Variants in SPAG1 observed in about 807,000 individuals in gnomAD.
SPAG1 encodes sperm-associated antigen 1.
In SPAG1, 69 loss-of-function variants were observed where a neutral mutation model predicts 100.5. The ratio of observed to expected loss-of-function variants is 0.69; its 90% confidence interval spans 0.57 to 0.84. The LOEUF is 0.84. SPAG1 is among the 40% of genes least tolerant of loss of function. SPAG1 has a pLI of 0.00. For synonymous variants in SPAG1, 336 were observed against 411.6 expected (o/e 0.82, Z 2.22); for missense variants, 955 against 1,133.1 (o/e 0.84, Z 2.26).
At chr8:100,213,010 A>ACCCCCGCGGCCTCCGCGG (rs1554658861) in intron 10 of SPAG1, 80 bp from the exon 11 acceptor site, 2 of 417,830 alleles carry the variant, frequency 4.8e-6, no homozygotes, top group South Asian at 4.6e-5. Flanking sequence ...CGCGTCCTGC[A>ACCCCCGCGGCCTCCGCGG]CCCCCGCGGC....
chr8:100,234,633 T>C lies in SPAG1; in HGVS notation c.2115+1096T>C, dbSNP rs924263146. On this transcript the variant is annotated intron_variant, in intron 16 of 18. Coordinates refer to ENST00000388798, the MANE Select transcript of SPAG1 (RefSeq NM_003114.5). ...GTATGAATATATCACAATTTGTGTA[T>C]ATATTCACCAGTTGATGACACTTAG... is the stretch of plus-strand genomic sequence containing the variant. Among the ~76,000 whole-genome samples, 20 of 152,236 alleles carry C rather than the reference T, an allele frequency of 1.3e-4. No individual in the cohort carries two copies. In the East Asian group the frequency reaches 3.7e-3, roughly 28 times the overall value.
intron 1 of SPAG1, chr8:100,159,010 T>A (rs2514691): frequency 6.6e-6 from 1 of 151,206 alleles, no homozygotes; most frequent in Non-Finnish European, 1.5e-5. Flanking sequence ...AATGTTAAAA[T>A]GATGTTCAGA....
chr8:100,176,753 G>C (rs561105605), intron 3 of SPAG1, among the ~76,000 whole-genome samples: 12 of 152,274 alleles, frequency 7.9e-5, no homozygotes, highest in Non-Finnish European at 1.5e-4. Flanking sequence ...GAAGTGCAAA[G>C]TCTTTGCACC....
chr8:100,177,765 C>A (rs1325127041), intron 3 of SPAG1, 51 bp from the exon 4 acceptor site: 1 of 1,118,008 alleles, frequency 8.9e-7, no homozygotes. Context: ...CTTTCTTATG[C>A]TTGGTTATAA....
At chr8:100,183,309 A>G (rs1206836684) in intron 4 of SPAG1, 66 bp from the exon 5 acceptor site, 2 of 763,776 alleles carry the variant, frequency 2.6e-6, no homozygotes, top group African/African-American at 1.8e-5. Context: ...TTTCCATTGC[A>G]TTTACAGTAA....
At chr8:100,174,462 G>A (rs1219345556) in intron 3 of SPAG1, among the ~76,000 whole-genome samples, 1 of 152,154 alleles carries the variant, frequency 6.6e-6, no homozygotes, top group Non-Finnish European at 1.5e-5. Flanking sequence ...AAGAGGTGGA[G>A]GAGATGAAAG....
chr8:100,204,158 T>C (rs1817405186), intron 10 of SPAG1, among the ~76,000 whole-genome samples: 2 of 152,138 alleles, frequency 1.3e-5, no homozygotes, highest in Non-Finnish European at 2.9e-5. Flanking sequence ...GACGCAACAG[T>C]GATGGCCTCC....
At chr8:100,199,094 T>C (rs1472599048) in intron 10 of SPAG1, among the ~76,000 whole-genome samples, 2 of 152,228 alleles carry the variant, frequency 1.3e-5, no homozygotes, top group Admixed American at 1.3e-4. Flanking sequence ...ATGTACAGAT[T>C]TTTGTTTGAA....
Position 100,213,422 on chromosome 8 carries a change from C to G in SPAG1, c.1429C>G (p.Pro477Ala). 1.4e-6 allele frequency: 2 copies of G among 1,413,086 alleles called. No homozygotes were observed. The highest frequency in any genetic ancestry group is 1.8e-6 in the Non-Finnish European group (2 of 1,084,634). 87.5% of individuals were successfully genotyped at this position (1,413,086 alleles called of 1,614,324 possible). A position where few individuals can be genotyped will look rare whatever the true frequency, so the allele number is the denominator to read the frequency against. ...KYSAAIALLE[P>A]AGSEIADDLS... The stretch of plus-strand genomic sequence containing the variant: ...CTCGGCGGCAATCGCGCTCCTGGAG[C>G]CAGCAGGTAGGTGCGCCGCGCCCCG... Residue 477 changes from proline to alanine, a missense_variant, in exon 11 of 19, where the codon CCA (proline) becomes GCA (alanine). Coordinates refer to ENST00000388798, the MANE Select transcript of SPAG1 (RefSeq NM_003114.5).
intron 10 of SPAG1, 39 bp from the exon 11 acceptor site, chr8:100,213,051 T>C (rs1586495112): frequency 1.4e-6 from 2 of 1,392,890 alleles, no homozygotes; most frequent in East Asian, 3.1e-5. Flanking sequence ...CTGCTCCCGG[T>C]GATGCAAACC....
At chr8:100,168,837 G>A (rs141300267) in intron 3 of SPAG1, among the ~76,000 whole-genome samples, 1,794 of 151,812 alleles carry the variant, frequency 0.012, 14 homozygotes, top group Non-Finnish European at 0.018. Flanking sequence ...ACAGGCATGC[G>A]CCACCACGCC....
chr8:100,163,407 C>CTTT (rs781486782), intron 2 of SPAG1, among the ~76,000 whole-genome samples: 12 of 141,516 alleles, frequency 8.5e-5, no homozygotes, highest in African/African-American at 3.1e-4. Flanking sequence ...TTCTTTCTTT[C>CTTT]TTTTTTTTTT....
At chr8:100,173,484 T>C (rs1236720378) in intron 3 of SPAG1, among the ~76,000 whole-genome samples, 1 of 152,140 alleles carries the variant, frequency 6.6e-6, no homozygotes, top group African/African-American at 2.4e-5. Flanking sequence ...ACAGATAATA[T>C]AGTTGTTGGG....
intron 16 of SPAG1, among the ~76,000 whole-genome samples, chr8:100,235,819 C>G (rs1035457734): frequency 1.3e-5 from 2 of 152,020 alleles, no homozygotes; most frequent in African/African-American, 4.8e-5. Context: ...TCCATGTGAC[C>G]CTAACACATG....
intron 2 of SPAG1, chr8:100,165,415 A>G (rs1325315194): frequency 4.5e-6 from 2 of 445,328 alleles, no homozygotes; most frequent in Non-Finnish European, 9.0e-6. Flanking sequence ...TCAGGAACAG[A>G]GTACTTTGTA....
At chr8:100,214,974 CTG>C (rs1168206869) in intron 12 of SPAG1, among the ~76,000 whole-genome samples, 1 of 116,724 alleles carries the variant, frequency 8.6e-6, no homozygotes, top group Non-Finnish European at 1.7e-5. Context: ...ACAAGAGACT[CTG>C]TAAACTTTAC....
At chr8:100,165,134 G>A in intron 2 of SPAG1, 3 of 390,698 alleles carry the variant, frequency 7.7e-6, no homozygotes, top group Non-Finnish European at 1.5e-5. Flanking sequence ...TTTTCATAGT[G>A]TGTTAAATGC....
chr8:100,184,028 C>A lies in SPAG1; in HGVS notation c.561C>A (p.His187Gln). 3 of 1,529,096 alleles carry A rather than the reference C, an allele frequency of 2.0e-6. No individual in the cohort carries two copies. Among genetic ancestry groups the A allele is most frequent in the Non-Finnish European group, 2.6e-6 (3 of 1,137,000 alleles). 94.7% of individuals were successfully genotyped at this position (1,529,096 alleles called of 1,614,324 possible). The change falls in exon 6 of 19, where the codon CAC becomes CAA. Residue 187 changes from histidine to glutamine, a missense_variant. Transcript: ENST00000388798. ...AAAAGACGGTAATAGACAAGTCACA[C>A]TTGTCTAAAATTGAGACAAGAATAG... The part of the protein sequence containing the change: ...YKEKTVIDKS[H>Q]LSKIETRIDT...
intron 10 of SPAG1, among the ~76,000 whole-genome samples, chr8:100,202,643 G>C (rs1446947703): frequency 6.9e-6 from 1 of 144,892 alleles, no homozygotes; most frequent in Non-Finnish European, 1.5e-5. Flanking sequence ...CCGGGAGGCG[G>C]AGCTTGCAGT....
Sources: gnomAD v4.1 joint callset for allele counts (sites outside exome capture counted in the v4.1 genomes callset) on GRCh38, gnomAD v4.1.1 for gene constraint, MANE v1.5 for transcripts, NCBI Gene and HGNC (gene_info 2026-07-23, HGNC 2026-07-21) for gene names.